SGCZ: variants seen among roughly 807,000 people sequenced by gnomAD.
The protein encoded by SGCZ is sarcoglycan zeta.
In SGCZ, 40 loss-of-function variants were observed where a neutral mutation model predicts 41.3. That is an observed-to-expected ratio of 0.97 (90% CI 0.75 to 1.26). The LOEUF (loss-of-function observed/expected upper bound fraction) is 1.26, where lower values mean the gene tolerates loss of function less well. Among genes scored for constraint, SGCZ ranks in the 50% most tolerant of loss-of-function variants. The pLI is 0.00. For synonymous variants in SGCZ, 206 were observed against 137.5 expected (o/e 1.50, Z -3.49); for missense variants, 552 against 369.8 (o/e 1.49, Z -4.04).
chr8:14,786,898 T>C lies in SGCZ; in HGVS notation c.40-231972A>G, dbSNP rs1218356690. On this transcript the variant is annotated intron_variant, in intron 1 of 7. Coordinates refer to ENST00000382080, the MANE Select transcript of SGCZ (RefSeq NM_139167.4). ...AAGTCTTAGATAAAGACAGCCCCCA[T>C]ACAACCATGCTGTATGATAAATTAG... Among the ~76,000 whole-genome samples the C allele has an allele frequency of 2.7e-5, 4 of 147,858 alleles. No homozygotes were observed. In the East Asian group the frequency reaches 8.0e-4, roughly 30 times the overall value.
chr8:14,383,898 A>C (rs1458845181), intron 2 of SGCZ, among the ~76,000 whole-genome samples: 4 of 151,748 alleles, frequency 2.6e-5, no homozygotes, highest in African/African-American at 9.7e-5. Flanking sequence ...GCATTAAGTA[A>C]CACGCTCCAA....
At chr8:14,424,398 G>C (rs1799719274) in intron 2 of SGCZ, among the ~76,000 whole-genome samples, 1 of 152,060 alleles carries the variant, frequency 6.6e-6, no homozygotes, top group South Asian at 2.1e-4. Context: ...CATAAACATT[G>C]GGTCTTCCAT....
chr8:15,200,897 C>G (rs1800869601), intron 1 of SGCZ, among the ~76,000 whole-genome samples: 1 of 152,190 alleles, frequency 6.6e-6, no homozygotes, highest in Admixed American at 6.5e-5. Flanking sequence ...CTAATCAAAA[C>G]TCAAATTGAA....
At chr8:15,087,967 C>T (rs1181570341) in intron 1 of SGCZ, among the ~76,000 whole-genome samples, 1 of 149,562 alleles carries the variant, frequency 6.7e-6, no homozygotes, top group Non-Finnish European at 1.5e-5. Flanking sequence ...TTTTTAGTAA[C>T]CACCATTACT....
At chr8:15,066,893 A>C (rs1013427492) in intron 1 of SGCZ, among the ~76,000 whole-genome samples, 3 of 152,226 alleles carry the variant, frequency 2.0e-5, no homozygotes, top group Admixed American at 6.5e-5. Flanking sequence ...TATGGCCTGA[A>C]CTGACAAGCA....
intron 5 of SGCZ, among the ~76,000 whole-genome samples, chr8:14,111,476 A>G (rs1260682784): frequency 1.3e-5 from 2 of 152,170 alleles, no homozygotes; most frequent in African/African-American, 4.8e-5. Flanking sequence ...AAAAAGGACA[A>G]AAGGAACACA....
chr8:14,568,149 C>G (rs1480545888), intron 1 of SGCZ, among the ~76,000 whole-genome samples: 2 of 152,030 alleles, frequency 1.3e-5, no homozygotes, highest in Non-Finnish European at 2.9e-5. Context: ...AAACCAAACA[C>G]CGCATATTCT....
intron 1 of SGCZ, among the ~76,000 whole-genome samples, chr8:14,987,138 T>C (rs1801848804): frequency 6.6e-6 from 1 of 151,926 alleles, no homozygotes; most frequent in Non-Finnish European, 1.5e-5. Context: ...ATTAGAAAAC[T>C]GTTTACCACA....
At chr8:14,607,831 G>A (rs1052163675) in intron 1 of SGCZ, among the ~76,000 whole-genome samples, 1 of 152,152 alleles carries the variant, frequency 6.6e-6, no homozygotes, top group African/African-American at 2.4e-5. Context: ...TGTGCCCAGT[G>A]TAATCTCATT....
intron 2 of SGCZ, among the ~76,000 whole-genome samples, chr8:14,550,480 T>C (rs1031005294): frequency 6.6e-6 from 1 of 151,952 alleles, no homozygotes; most frequent in Non-Finnish European, 1.5e-5. Context: ...GCTTTTTCTT[T>C]TGTAGGATGA....
At chr8:15,224,545 C>T (rs1039384370) in intron 1 of SGCZ, among the ~76,000 whole-genome samples, 1 of 152,116 alleles carries the variant, frequency 6.6e-6, no homozygotes, top group Non-Finnish European at 1.5e-5. Flanking sequence ...TGGGATTAAA[C>T]ATAACTCATG....
At chr8:14,635,189 C>T (rs936875560) in intron 1 of SGCZ, among the ~76,000 whole-genome samples, 8 of 151,854 alleles carry the variant, frequency 5.3e-5, no homozygotes, top group Admixed American at 3.3e-4. Flanking sequence ...AATAGATATT[C>T]GTCATAAACC....
intron 1 of SGCZ, among the ~76,000 whole-genome samples, chr8:14,906,184 G>T (rs1298338995): frequency 1.3e-5 from 2 of 152,090 alleles, no homozygotes; most frequent in Non-Finnish European, 2.9e-5. Flanking sequence ...CATACTGCAG[G>T]AGCTAATTCT....
At chr8:14,300,546 T>C (rs1801152452) in intron 3 of SGCZ, among the ~76,000 whole-genome samples, 1 of 152,018 alleles carries the variant, frequency 6.6e-6, no homozygotes. Context: ...CTAAAAATTT[T>C]TTAATAGTAT....
intron 1 of SGCZ, among the ~76,000 whole-genome samples, chr8:15,070,659 T>C (rs992007972): frequency 6.6e-6 from 1 of 152,160 alleles, no homozygotes; most frequent in African/African-American, 2.4e-5. Flanking sequence ...AGCACAGGGA[T>C]GTTACTTAAA....
chr8:15,079,809 G>A (rs1805673850), intron 1 of SGCZ, among the ~76,000 whole-genome samples: 1 of 152,114 alleles, frequency 6.6e-6, no homozygotes, highest in Non-Finnish European at 1.5e-5. Flanking sequence ...TGAGGTTTGG[G>A]CTTCTAATCA....
intron 4 of SGCZ, among the ~76,000 whole-genome samples, chr8:14,219,824 G>A (rs999243203): frequency 6.2e-5 from 9 of 144,592 alleles, no homozygotes; most frequent in African/African-American, 2.4e-4. Flanking sequence ...CTTGCCAACC[G>A]ACTACCACTT....
chr8:14,572,691 C>T (rs138575924), intron 1 of SGCZ, among the ~76,000 whole-genome samples: 3 of 152,260 alleles, frequency 2.0e-5, no homozygotes, highest in African/African-American at 4.8e-5. Flanking sequence ...TTATACAGAT[C>T]ATTTCCTTCA....
chr8:14,714,856 C>T (rs1328886192), intron 1 of SGCZ, among the ~76,000 whole-genome samples: 2 of 151,840 alleles, frequency 1.3e-5, no homozygotes, highest in Non-Finnish European at 2.9e-5. Flanking sequence ...GGAAAACTTA[C>T]CAGGGAATGC....
Sources: allele counts gnomAD v4.1 joint callset (sites outside exome capture counted in the v4.1 genomes callset), GRCh38; gene constraint gnomAD v4.1.1; transcripts MANE v1.5; gene names NCBI Gene and HGNC (gene_info 2026-07-23, HGNC 2026-07-21).